Variants in PHF21B observed in about 807,000 individuals in gnomAD.
The protein encoded by PHF21B is PHD finger protein 4.
In PHF21B, 22 loss-of-function variants were observed where a neutral mutation model predicts 62.2. The observed-to-expected ratio is 0.35, with a 90% CI of 0.25 to 0.51. The LOEUF is 0.51. PHF21B is among the 20% of genes least tolerant of loss of function. The pLI is 0.97. For synonymous variants in PHF21B, 341 were observed against 314.7 expected (o/e 1.08, Z -0.88); for missense variants, 701 against 707.9 (o/e 0.99, Z 0.11).
At chr22:44,886,455 G>A (rs1470375862) in intron 10 of PHF21B, among the ~76,000 whole-genome samples, 6 of 150,166 alleles carry the variant, frequency 4.0e-5, no homozygotes, top group African/African-American at 7.4e-5. Context: ...GGGAGGCCAA[G>A]GTGGGAGGAC....
In PHF21B at chr22:44,888,033, A is replaced by AGGT; in HGVS notation, c.1124_1126dup (p.His375dup). 6.4e-7 allele frequency: 1 copy of AGGT among 1,562,168 alleles called. No individual in the cohort carries two copies. The highest frequency in any genetic ancestry group is 8.7e-7 in the Non-Finnish European group (1 of 1,154,006). ...CTTGAGGGGCGGCTCCAGGCAGCTGAGGTGGTAGGCCCCCGGGCAGGTGCC... is the reference window on the plus strand; with the variant it reads ...CTTGAGGGGCGGCTCCAGGCAGCTGAGGTGGTGGTAGGCCCCCGGGCAGGTGCC... On this transcript the variant is annotated inframe_insertion, in exon 10 of 13. Coordinates refer to ENST00000313237, the MANE Select transcript of PHF21B (RefSeq NM_138415.5).
In PHF21B at chr22:44,929,764, CCT is replaced by C. The variant is rs1601610386; in HGVS notation, c.121-9276_121-9275del. On this transcript the variant is annotated intron_variant, in intron 2 of 12. Transcript: ENST00000313237. ...TTGAGTCGTTCCAATGGTGCCACTG[CCT>C]CTCAGTCCTGCGCGCCTCTGTGGGC... 6.6e-5 allele frequency among the ~76,000 whole-genome samples: 10 copies of C among 152,360 alleles called. 2 individuals carry two copies.
intron 5 of PHF21B, among the ~76,000 whole-genome samples, chr22:44,911,707 A>C (rs2071346384): frequency 6.6e-6 from 1 of 152,236 alleles, no homozygotes; most frequent in South Asian, 2.1e-4. Flanking sequence ...GCAGGGGCAG[A>C]GCCCTCATGG....
intron 2 of PHF21B, among the ~76,000 whole-genome samples, chr22:44,926,552 CCT>C (rs1357190860): frequency 6.6e-6 from 1 of 152,214 alleles, no homozygotes; most frequent in Non-Finnish European, 1.5e-5. Context: ...CCCACATGTG[CCT>C]CTGTGAGTCC....
At chr22:44,887,936 G>A in intron 10 of PHF21B, 27 bp downstream of exon 10, 3 of 1,443,018 alleles carry the variant, frequency 2.1e-6, no homozygotes, top group African/African-American at 2.9e-5. Context: ...CCAGTCTGGG[G>A]TGAGGGGGTC....
chr22:44,989,601 C>T (rs977345592), intron 2 of PHF21B: 2 of 138,052 alleles, frequency 1.4e-5, no homozygotes, highest in African/African-American at 5.4e-5. Flanking sequence ...CACCACAACT[C>T]GACTTTTTTT....
chr22:44,932,633 T>C (rs1376295768), intron 2 of PHF21B, among the ~76,000 whole-genome samples: 1 of 152,248 alleles, frequency 6.6e-6, no homozygotes, highest in Non-Finnish European at 1.5e-5. Flanking sequence ...TCCGACGGCC[T>C]GGGATCTAAC....
chr22:44,895,855 C>T (rs2071047293), intron 6 of PHF21B, among the ~76,000 whole-genome samples, 177 bp downstream of exon 6: 1 of 152,194 alleles, frequency 6.6e-6, no homozygotes, highest in Non-Finnish European at 1.5e-5. Flanking sequence ...GGTTTATACA[C>T]AGACACTGCC....
intron 9 of PHF21B, 98 bp downstream of exon 9, chr22:44,889,662 C>A (rs986175203): frequency 2.8e-6 from 4 of 1,438,540 alleles, no homozygotes; most frequent in South Asian, 1.4e-5. Context: ...CTGCACCACT[C>A]CGGGCTCTTT....
At chr22:44,984,038 T>C (rs982992632) in intron 2 of PHF21B, among the ~76,000 whole-genome samples, 9 of 148,942 alleles carry the variant, frequency 6.0e-5, no homozygotes, top group African/African-American at 2.0e-4. Flanking sequence ...ATTGGCATCA[T>C]CACCACCATC....
Position 44,893,452 on chromosome 22 carries a change from C to T in PHF21B, c.960+5G>A. On this transcript the variant is annotated splice_donor_5th_base_variant and intron_variant, in intron 7 of 12. Transcript: ENST00000313237. Reference sequence around the variant, plus strand: ...CTGGTGGCATGGGGCTGGCGGGTTCCCCACCTCGGTCTCCAGGAGGCCGCT... The same window carrying T: ...CTGGTGGCATGGGGCTGGCGGGTTCTCCACCTCGGTCTCCAGGAGGCCGCT... 6.3e-7 allele frequency: 1 copy of T among 1,592,272 alleles called. No individual in the cohort carries two copies. The highest frequency in any genetic ancestry group is 8.5e-7 in the Non-Finnish European group (1 of 1,169,938).
At chr22:44,946,785 C>T (rs2072083119) in intron 2 of PHF21B, among the ~76,000 whole-genome samples, 1 of 152,166 alleles carries the variant, frequency 6.6e-6, no homozygotes, top group African/African-American at 2.4e-5. Context: ...ACACTCCCCA[C>T]CCCAGCCCAA....
rs779221596 is a variant in PHF21B, at chr22:44,896,053, C to T, written c.862G>A (p.Val288Ile). Residue 288 changes from valine (V) to isoleucine (I), a missense_variant, in exon 6 of 13, where the codon GTT becomes ATT. By Grantham distance (29) the Val-to-Ile change is conservative (BLOSUM62 3). Coordinates refer to ENST00000313237, the MANE Select transcript of PHF21B (RefSeq NM_138415.5). ...TTACCTTCCAAATGTTCCGTGGTAA[C>T]CAGGCCTAGCGCTACCATGAAGGCG... ...KIAFMVALGL[V>I]TTEHLEEIQS... 1 of 1,614,186 alleles carries T rather than the reference C, an allele frequency of 6.2e-7. No homozygotes were observed. The highest frequency in any genetic ancestry group is 2.2e-5 in the East Asian group (1 of 44,882).
At chr22:44,992,254 G>A (rs945289875) in intron 2 of PHF21B, among the ~76,000 whole-genome samples, 1 of 152,258 alleles carries the variant, frequency 6.6e-6, no homozygotes, top group African/African-American at 2.4e-5. Context: ...GAAGCCCCTT[G>A]AAGCCACTTT....
intron 2 of PHF21B, among the ~76,000 whole-genome samples, chr22:44,944,750 G>A (rs1029619825): frequency 5.3e-4 from 81 of 152,320 alleles, no homozygotes; most frequent in African/African-American, 1.8e-3. Context: ...CAAGCTGACC[G>A]AGCTCCTGAT....
intron 2 of PHF21B, among the ~76,000 whole-genome samples, chr22:44,960,792 C>T (rs920009844): frequency 3.9e-5 from 6 of 152,066 alleles, no homozygotes. Context: ...AGCCTGGACA[C>T]CAGGGTTTTC....
chr22:44,892,176 C>T (rs1343456407), intron 7 of PHF21B, among the ~76,000 whole-genome samples: 1 of 152,220 alleles, frequency 6.6e-6, no homozygotes, highest in Non-Finnish European at 1.5e-5. Context: ...GGAGAACACA[C>T]CATTTCCTTG....
intron 2 of PHF21B, among the ~76,000 whole-genome samples, chr22:44,931,277 C>T (rs2071735993): frequency 6.6e-6 from 1 of 152,128 alleles, no homozygotes; most frequent in Non-Finnish European, 1.5e-5. Context: ...CGCTCCGAGG[C>T]AATTCTGTTT....
At chr22:44,906,767 C>T (rs1194748985) in intron 5 of PHF21B, among the ~76,000 whole-genome samples, 1 of 152,222 alleles carries the variant, frequency 6.6e-6, no homozygotes, top group Admixed American at 6.5e-5. Flanking sequence ...AATTCCTGCC[C>T]CCCGCTACTG....
Sources: allele counts gnomAD v4.1 joint callset (sites outside exome capture counted in the v4.1 genomes callset), GRCh38; gene constraint gnomAD v4.1.1; transcripts MANE v1.5; gene names NCBI Gene and HGNC (gene_info 2026-07-23, HGNC 2026-07-21).